USP40: variants seen among roughly 807,000 people sequenced by gnomAD.
The protein encoded by USP40 is ubiquitin carboxyl-terminal hydrolase 40.
A neutral mutation model predicts 166.2 loss-of-function variants in USP40; 143 were observed. The ratio of observed to expected loss-of-function variants is 0.86; its 90% CI spans 0.75 to 0.99. The LOEUF (loss-of-function observed/expected upper bound fraction) is 0.99, where lower values mean the gene tolerates loss of function less well. USP40 is among the 50% of genes least tolerant of loss of function. The pLI, the probability that USP40 is intolerant of heterozygous loss-of-function variation, is 0.00. For missense variants in USP40, 1,444 were observed against 1,479.7 expected (o/e 0.98, Z 0.40); for synonymous variants, 498 against 524.0 (o/e 0.95, Z 0.68).
chr2:233,551,404 C>G lies in USP40; in HGVS notation c.809G>C (p.Arg270Pro). Reference protein sequence around the residue: ...KETSCYTFPLRINLKPFCEQS... With the variant: ...KETSCYTFPLPINLKPFCEQS... ...TTCACAAAAGGGCTTGAGATTAATC[C>G]GGAGAGGGAATGTATAACAGCTAGT... Residue 270 changes from arginine to proline, a missense_variant, in exon 7 of 32, where the codon CGG becomes CCG. Physicochemically the swap from Arg to Pro is moderately radical, Grantham distance 103. Transcript: ENST00000678225. 1.2e-6 allele frequency: 2 copies of G among 1,608,556 alleles called. No homozygotes were observed. Among genetic ancestry groups the G allele is most frequent in the Non-Finnish European group, 1.7e-6 (2 of 1,177,906 alleles).
At chr2:233,544,252 G>T (rs1381803757) in intron 8 of USP40, among the ~76,000 whole-genome samples, 1 of 152,074 alleles carries the variant, frequency 6.6e-6, no homozygotes, top group Non-Finnish European at 1.5e-5. Context: ...ACAGACATAG[G>T]GCAAGGTCCA....
intron 18 of USP40, among the ~76,000 whole-genome samples, chr2:233,519,213 TA>T (rs1276819235): frequency 6.6e-6 from 1 of 152,232 alleles, no homozygotes; most frequent in Admixed American, 6.5e-5. Context: ...ATTACTGAAT[TA>T]AACACTTAAA....
At position 233,540,727 on chromosome 2, in the gene USP40, G is replaced by GT; in HGVS notation, c.1104dup (p.Leu369ThrfsTer37). Reference sequence around the variant, plus strand: ...CAAGATATTCCTATCTTTTTCAAAAGTTTCTGGCCCAGCTGATCAACAGGA... The same window carrying GT: ...CAAGATATTCCTATCTTTTTCAAAAGTTTTCTGGCCCAGCTGATCAACAGGA... On this transcript the variant is annotated frameshift_variant, in exon 10 of 32. Transcript: ENST00000678225. LOFTEE classifies it high-confidence loss of function. 1 of 1,613,392 alleles carries GT rather than the reference G, an allele frequency of 6.2e-7. No homozygotes were observed. Among genetic ancestry groups the GT allele is most frequent in the Non-Finnish European group, 8.5e-7 (1 of 1,179,600 alleles).
chr2:233,484,112 C>T (rs746253089), intron 30 of USP40, among the ~76,000 whole-genome samples: 36 of 152,094 alleles, frequency 2.4e-4, no homozygotes, highest in Non-Finnish European at 4.1e-4. Flanking sequence ...GAGCCAAGAT[C>T]GTACCACTGC....
intron 3 of USP40, chr2:233,561,055 G>C (rs2071549332): frequency 7.8e-7 from 1 of 1,277,286 alleles, no homozygotes; most frequent in South Asian, 1.3e-5. Flanking sequence ...GAGCATATTT[G>C]ATAATTAATA....
chr2:233,519,624 C>T lies in USP40; in HGVS notation c.2373G>A (p.Met791Ile), dbSNP rs1313698016. ...AATGTAAATGATTACCTAGTTCCTT[C>T]ATTAATTTTAATTCCTTTATGGCTT... is the stretch of plus-strand genomic sequence containing the variant. ...RIKAIKELKLMKELADNSCLR... is the reference protein window; with the variant it reads ...RIKAIKELKLIKELADNSCLR... The change falls in exon 18 of 32, where the codon ATG becomes ATA. Residue 791 changes from methionine (M) to isoleucine (I), a missense_variant. Coordinates refer to ENST00000678225, the MANE Select transcript of USP40 (RefSeq NM_001365479.2). 2 of 1,440,600 alleles carry T rather than the reference C, an allele frequency of 1.4e-6. No individual in the cohort carries two copies. Among genetic ancestry groups the T allele is most frequent in the Non-Finnish European group, 9.5e-7 (1 of 1,051,934 alleles). 89.2% of individuals were successfully genotyped at this position (1,440,600 alleles called of 1,614,324 possible). A position where few individuals can be genotyped will look rare whatever the true frequency, so the allele number is the denominator to read the frequency against.
In USP40 at chr2:233,486,207, C is replaced by G. The variant is rs138458644; in HGVS notation, c.3198-230G>C. On this transcript the variant is annotated intron_variant, in intron 28 of 31. Coordinates refer to ENST00000678225, the MANE Select transcript of USP40 (RefSeq NM_001365479.2). The surrounding 1 kb of genome is among the most constrained non-coding windows in gnomAD (Gnocchi z 4.0). ...TCCCATTCTCGGTACACAGCAGAGCCCCCCCAGACGTGGTAGGGAACTTCC... is the reference window on the plus strand; with the variant it reads ...TCCCATTCTCGGTACACAGCAGAGCGCCCCCAGACGTGGTAGGGAACTTCC... 3.3e-3 allele frequency among the ~76,000 whole-genome samples: 497 copies of G among 152,160 alleles called. 3 individuals are homozygous for G. Among genetic ancestry groups the G allele is most frequent in the Non-Finnish European group, 4.1e-3 (282 of 68,014 alleles).
intron 25 of USP40, among the ~76,000 whole-genome samples, chr2:233,492,195 T>C (rs986746374): frequency 1.3e-5 from 2 of 152,248 alleles, no homozygotes; most frequent in African/African-American, 4.8e-5. Context: ...TGTGTTATGA[T>C]TCGCCTTCAG....
At chr2:233,504,555 G>A (rs930979127) in intron 21 of USP40, among the ~76,000 whole-genome samples, 2 of 151,828 alleles carry the variant, frequency 1.3e-5, no homozygotes, top group Admixed American at 6.6e-5. Context: ...AATTGATAAT[G>A]GTCATTGTAG....
At chr2:233,504,041 T>C (rs1414745526) in intron 21 of USP40, among the ~76,000 whole-genome samples, 1 of 152,156 alleles carries the variant, frequency 6.6e-6, no homozygotes, top group East Asian at 1.9e-4. Flanking sequence ...GAAAAAATTC[T>C]AGACTATTTT....
intron 20 of USP40, 69 bp from the exon 21 acceptor site, chr2:233,510,204 C>T: frequency 7.9e-7 from 1 of 1,262,434 alleles, no homozygotes; most frequent in Non-Finnish European, 1.1e-6. Context: ...GTATTATTTA[C>T]TTTCAAAAAT....
rs1232616788 is a variant in USP40, at chr2:233,555,636, C to CTTTT, written c.547-1114_547-1111dup. Among the ~76,000 whole-genome samples the CTTTT allele has an allele frequency of 5.6e-3, 716 of 129,000 alleles. 22 individuals are homozygous for CTTTT. The East Asian group carries it at 0.075, about 14-fold the overall frequency. 84.6% of individuals were successfully genotyped at this position (129,000 alleles called of 152,430 possible). A position where few individuals can be genotyped will look rare whatever the true frequency, so the allele number is the denominator to read the frequency against. On this transcript the variant is annotated intron_variant, in intron 5 of 31. Transcript: ENST00000678225. ...TTATTTCCAAACTTAAAAAATCACT[C>CTTTT]TTTTTTTTTTTTTTTTTTGAGACGG...
At chr2:233,519,038 A>G (rs577372567) in intron 18 of USP40, among the ~76,000 whole-genome samples, 179 of 152,344 alleles carry the variant, frequency 1.2e-3, no homozygotes, top group Non-Finnish European at 2.1e-3. Context: ...TTATGATTCC[A>G]ATTACATTAA....
chr2:233,502,063 A>T (rs948983659), intron 21 of USP40, among the ~76,000 whole-genome samples: 1 of 152,326 alleles, frequency 6.6e-6, no homozygotes, highest in African/African-American at 2.4e-5. Context: ...CATGAAGAGT[A>T]AAAACTGCTC....
chr2:233,511,793 C>T lies in USP40; in HGVS notation c.2442G>A (p.Pro814=), dbSNP rs373209416. Residue 814 remains proline, a synonymous_variant, in exon 20 of 32, where the codon CCG becomes CCA. Transcript: ENST00000678225. The part of the protein sequence containing the change: ...DRNGKLLCPV[P]DSYTLKEAEL... ...CTGCTTCCTTCAAAGTATAGCTGTC[C>T]GGCACTTAAAAAAATTTTGATAATA... 125 of 1,603,034 alleles carry T rather than the reference C, an allele frequency of 7.8e-5. No homozygotes were observed. Among genetic ancestry groups the T allele is most frequent in the African/African-American group, 3.4e-4 (25 of 74,452 alleles).
intron 21 of USP40, among the ~76,000 whole-genome samples, chr2:233,505,790 T>C (rs1287681741): frequency 6.6e-6 from 1 of 152,114 alleles, no homozygotes; most frequent in African/African-American, 2.4e-5. Context: ...ATTGAAAAGT[T>C]GTGAATATTT....
chr2:233,560,994 G>T, intron 3 of USP40: 1 of 822,680 alleles, frequency 1.2e-6, no homozygotes, highest in Non-Finnish European at 2.1e-6. Flanking sequence ...TTCTCGGAAG[G>T]CAAATTCCAT....
At chr2:233,551,934 G>C (rs954307943) in intron 6 of USP40, among the ~76,000 whole-genome samples, 1 of 152,048 alleles carries the variant, frequency 6.6e-6, no homozygotes, top group African/African-American at 2.4e-5. Context: ...GATCTGAAAT[G>C]ATACAAAAAT....
At chr2:233,553,038 C>T (rs953563115) in intron 6 of USP40, among the ~76,000 whole-genome samples, 2 of 104,250 alleles carry the variant, frequency 1.9e-5, no homozygotes, top group African/African-American at 3.6e-5. Flanking sequence ...CAGATAATAA[C>T]GACAGCAGCA....
Sources: allele counts gnomAD v4.1 joint callset (sites outside exome capture counted in the v4.1 genomes callset), GRCh38; gene constraint gnomAD v4.1.1; non-coding constraint Gnocchi (gnomAD v3.1); transcripts MANE v1.5; gene names NCBI Gene and HGNC (gene_info 2026-07-23, HGNC 2026-07-21).